Variants in PDE1C observed in about 807,000 individuals in gnomAD.
PDE1C encodes dual specificity calcium/calmodulin-dependent 3',5'-cyclic nucleotide phosphodiesterase 1C.
In PDE1C, 62 loss-of-function variants were observed where a neutral mutation model predicts 93.1. The ratio of observed to expected loss-of-function variants is 0.67; its 90% CI spans 0.54 to 0.82. The LOEUF (loss-of-function observed/expected upper bound fraction) is 0.82, where lower values mean the gene tolerates loss of function less well. PDE1C is among the 40% of genes least tolerant of loss of function. PDE1C has a pLI of 0.00. For missense variants in PDE1C, 742 were observed against 884.6 expected (o/e 0.84, Z 2.04); for synonymous variants, 325 against 310.1 (o/e 1.05, Z -0.50).
At chr7:32,297,666 A>C (rs1033153960) in intron 1 of PDE1C, among the ~76,000 whole-genome samples, 10 of 152,148 alleles carry the variant, frequency 6.6e-5, no homozygotes, top group Non-Finnish European at 1.5e-4. Flanking sequence ...GAAGGTCCCC[A>C]AAACCCCCTC....
the PDE1C span, among the ~76,000 whole-genome samples, chr7:31,675,953 C>T: frequency 6.6e-6 from 1 of 152,104 alleles, no homozygotes; most frequent in African/African-American, 2.4e-5. Flanking sequence ...CAGAATCTAC[C>T]ACCTGAGACA....
intron 1 of PDE1C, among the ~76,000 whole-genome samples, chr7:32,398,069 C>T (rs530695115): frequency 6.6e-6 from 1 of 151,446 alleles, no homozygotes; most frequent in African/African-American, 2.4e-5. Flanking sequence ...AGGAGAATGG[C>T]GTGAACCCAG....
intron 11 of PDE1C, among the ~76,000 whole-genome samples, chr7:31,834,733 T>C (rs1790845725): frequency 6.6e-6 from 1 of 152,100 alleles, no homozygotes. Context: ...GAACTTGCCT[T>C]GTCTCAGATG....
intron 3 of PDE1C, among the ~76,000 whole-genome samples, chr7:32,113,100 A>G (rs1022010281): frequency 7.4e-5 from 11 of 149,510 alleles, no homozygotes; most frequent in Non-Finnish European, 8.9e-5. Context: ...CACCCCCATA[A>G]CAGTTATAGG....
chr7:32,276,086 G>A (rs1811266258), intron 1 of PDE1C, among the ~76,000 whole-genome samples: 1 of 152,092 alleles, frequency 6.6e-6, no homozygotes, highest in South Asian at 2.1e-4. Context: ...GCAGAAAATT[G>A]TATTACAATA....
intron 2 of PDE1C, among the ~76,000 whole-genome samples, chr7:31,903,091 A>C (rs1057029462): frequency 6.6e-6 from 1 of 151,876 alleles, no homozygotes; most frequent in Admixed American, 6.6e-5. Context: ...ACTCTTTCCT[A>C]AGGAAATAAT....
the PDE1C span, among the ~76,000 whole-genome samples, chr7:31,720,874 C>T: frequency 6.6e-6 from 1 of 152,070 alleles, no homozygotes; most frequent in Non-Finnish European, 1.5e-5. Context: ...CGTGGAGTTA[C>T]GAAGAATCAG....
rs769450776 is a variant in PDE1C at position 31,771,822 on chromosome 7, G to A, written c.1960+3842C>T. 3.6e-4 allele frequency among the ~76,000 whole-genome samples: 55 copies of A among 152,110 alleles called. 1 individual carries two copies. The highest frequency in any genetic ancestry group is 1.0e-3 in the Admixed American group (16 of 15,280). On this transcript the variant is annotated intron_variant, in intron 17 of 17. Coordinates refer to ENST00000396191, the MANE Select transcript of PDE1C (RefSeq NM_001191057.4). ...TAGAAGATACTTGGTTTGGGAGGCCGAAGCAGGCAGATCACAAGGTCAGGA... is the reference window on the plus strand; with the variant it reads ...TAGAAGATACTTGGTTTGGGAGGCCAAAGCAGGCAGATCACAAGGTCAGGA...
the PDE1C span, among the ~76,000 whole-genome samples, chr7:31,648,860 G>C: frequency 3.9e-5 from 6 of 152,316 alleles, 1 homozygote; most frequent in East Asian, 1.2e-3. Flanking sequence ...GAAAAGAAAT[G>C]AAACAAGAGA....
chr7:31,683,361 CTT>C, the PDE1C span, among the ~76,000 whole-genome samples: 2 of 151,942 alleles, frequency 1.3e-5, no homozygotes, highest in South Asian at 2.1e-4. Context: ...CACCTTGCCT[CTT>C]ATTTTAGTAG....
intron 1 of PDE1C, among the ~76,000 whole-genome samples, chr7:32,232,655 A>C (rs2128863497): frequency 6.6e-6 from 1 of 152,314 alleles, no homozygotes; most frequent in South Asian, 2.1e-4. Flanking sequence ...AAACCAATAA[A>C]GTTACATGAA....
At position 32,000,457 on chromosome 7, in the gene PDE1C, G is replaced by A. The variant is rs781215900; in HGVS notation, c.128+51097C>T. ...GGCTGGTGGGGTAGAAGGCATAGGC[G>A]TGGAGCAAAGGGAGAAATCACAGAA... On this transcript the variant is annotated intron_variant, in intron 2 of 17. Transcript: ENST00000396191. 7.2e-5 allele frequency among the ~76,000 whole-genome samples: 11 copies of A among 152,286 alleles called. No individual in the cohort carries two copies. The East Asian group carries it at 7.7e-4, about 11-fold the overall frequency.
At chr7:31,991,830 A>G (rs978020631) in intron 2 of PDE1C, among the ~76,000 whole-genome samples, 2 of 152,244 alleles carry the variant, frequency 1.3e-5, no homozygotes, top group African/African-American at 4.8e-5. Context: ...TTATTTTTCT[A>G]CTAGTAGCAT....
the PDE1C span, among the ~76,000 whole-genome samples, chr7:31,630,936 T>C: frequency 1.3e-5 from 2 of 152,180 alleles, no homozygotes; most frequent in Non-Finnish European, 2.9e-5. Context: ...AAAGCTAGGA[T>C]GAGAGGTAGA....
intron 1 of PDE1C, among the ~76,000 whole-genome samples, chr7:32,310,865 A>G (rs1471325249): frequency 6.6e-6 from 1 of 152,184 alleles, no homozygotes; most frequent in Non-Finnish European, 1.5e-5. Flanking sequence ...GAGCAAACAT[A>G]TTCAAAAGCT....
intron 3 of PDE1C, among the ~76,000 whole-genome samples, chr7:32,152,526 T>G (rs1041693091): frequency 6.6e-6 from 1 of 152,196 alleles, no homozygotes; most frequent in Non-Finnish European, 1.5e-5. Context: ...TCCAGGCTGA[T>G]GGGAATTGCT....
chr7:31,906,459 T>C (rs1419904314), intron 2 of PDE1C, among the ~76,000 whole-genome samples: 1 of 152,148 alleles, frequency 6.6e-6, no homozygotes, highest in African/African-American at 2.4e-5. Context: ...ATAAATGAAG[T>C]GTAGAGTGAG....
At chr7:32,172,632 G>C (rs957509928) in intron 2 of PDE1C, among the ~76,000 whole-genome samples, 1 of 152,068 alleles carries the variant, frequency 6.6e-6, no homozygotes, top group South Asian at 2.1e-4. Context: ...AGACCAGCCT[G>C]ACCAACATGG....
intron 3 of PDE1C, among the ~76,000 whole-genome samples, chr7:32,112,476 T>C (rs1406973370): frequency 6.6e-6 from 1 of 152,178 alleles, no homozygotes; most frequent in Admixed American, 6.5e-5. Context: ...AGTTTGTTTG[T>C]TTGTTTGAAA....
Sources: allele counts gnomAD v4.1 joint callset (sites outside exome capture counted in the v4.1 genomes callset), GRCh38; gene constraint gnomAD v4.1.1; transcripts MANE v1.5; gene names NCBI Gene and HGNC (gene_info 2026-07-23, HGNC 2026-07-21).